The following RASAL2 variants were observed in gnomAD, a reference collection of about 807,000 sequenced individuals.
RASAL2 encodes the protein ras GTPase-activating protein nGAP.
Under a neutral mutation model 128.9 loss-of-function variants are expected in RASAL2, and 58 were observed. That is an observed-to-expected ratio of 0.45 (90% confidence interval 0.36 to 0.56). RASAL2 has a LOEUF of 0.56. RASAL2 is among the 20% of genes least tolerant of loss of function. RASAL2 has a pLI of 0.00. For missense variants in RASAL2, 1,360 were observed against 1,601.6 expected (o/e 0.85, Z 2.57); for synonymous variants, 561 against 580.8 (o/e 0.97, Z 0.49).
At chr1:178,340,670 A>G (rs12239627) in intron 3 of RASAL2, among the ~76,000 whole-genome samples, 5,821 of 152,234 alleles carry the variant, frequency 0.038, 361 homozygotes, top group African/African-American at 0.13. Context: ...GCAGATTTTT[A>G]TCTGTCAATA....
intron 1 of RASAL2, among the ~76,000 whole-genome samples, chr1:178,163,160 G>A (rs1288204976): frequency 6.6e-6 from 1 of 151,450 alleles, no homozygotes; most frequent in Non-Finnish European, 1.5e-5. Context: ...TAGAGATGGG[G>A]TTTCACCATG....
chr1:178,445,771 C>G (rs1676957530), intron 9 of RASAL2, 109 bp downstream of exon 9: 1 of 1,168,784 alleles, frequency 8.6e-7, no homozygotes, highest in African/African-American at 1.6e-5. Context: ...TTAGTTCTAG[C>G]TGACTCAGGT....
intron 2 of RASAL2, among the ~76,000 whole-genome samples, chr1:178,296,596 C>G (rs1279448075): frequency 1.3e-5 from 2 of 151,280 alleles, no homozygotes; most frequent in African/African-American, 4.9e-5. Context: ...CTTTTGGCCT[C>G]AAGAGATTCT....
At chr1:178,349,297 C>A (rs892406078) in intron 3 of RASAL2, among the ~76,000 whole-genome samples, 1 of 149,576 alleles carries the variant, frequency 6.7e-6, no homozygotes, top group East Asian at 2.0e-4. Context: ...TGGTGGCGCG[C>A]GCCTGTAGTC....
intron 1 of RASAL2, among the ~76,000 whole-genome samples, chr1:178,155,185 T>C (rs1303706143): frequency 6.6e-6 from 1 of 152,150 alleles, no homozygotes; most frequent in Non-Finnish European, 1.5e-5. Context: ...TAGCAGGAAA[T>C]AGGATTTTGA....
intron 1 of RASAL2, among the ~76,000 whole-genome samples, chr1:178,272,738 G>A (rs1216974485): frequency 2.6e-5 from 4 of 152,036 alleles, no homozygotes; most frequent in Admixed American, 6.5e-5. Flanking sequence ...GACCAGCCTG[G>A]CCAACATGGT....
intron 1 of RASAL2, among the ~76,000 whole-genome samples, chr1:178,277,160 A>C (rs1666558005): frequency 6.6e-6 from 1 of 151,718 alleles, no homozygotes; most frequent in East Asian, 1.9e-4. Context: ...AAAAAAAAAA[A>C]AAAAAAAAAA....
chr1:178,261,915 A>G (rs1266935654), intron 1 of RASAL2, among the ~76,000 whole-genome samples: 5 of 147,224 alleles, frequency 3.4e-5, no homozygotes, highest in African/African-American at 7.4e-5. Flanking sequence ...GACTGTCTCA[A>G]AAAAAAAAAA....
intron 2 of RASAL2, among the ~76,000 whole-genome samples, chr1:178,296,071 G>A (rs543333003): frequency 6.6e-6 from 1 of 151,594 alleles, no homozygotes; most frequent in African/African-American, 2.4e-5. Flanking sequence ...GTGTGTATAT[G>A]TATGTGTATA....
intron 2 of RASAL2, among the ~76,000 whole-genome samples, chr1:178,297,802 T>G (rs1667584592): frequency 6.6e-6 from 1 of 152,002 alleles, no homozygotes; most frequent in Admixed American, 6.6e-5. Context: ...AATAATTGAG[T>G]GAATTTTAGG....
intron 3 of RASAL2, among the ~76,000 whole-genome samples, chr1:178,382,119 T>C (rs1436324495): frequency 6.6e-6 from 1 of 152,222 alleles, no homozygotes; most frequent in Non-Finnish European, 1.5e-5. Flanking sequence ...TCTCCCCACA[T>C]AGGTATACTG....
At chr1:178,159,686 C>G (rs1206818864) in intron 1 of RASAL2, among the ~76,000 whole-genome samples, 1 of 151,890 alleles carries the variant, frequency 6.6e-6, no homozygotes, top group African/African-American at 2.4e-5. Flanking sequence ...CCCAGCACTT[C>G]GGGAGGCCAA....
intron 1 of RASAL2, among the ~76,000 whole-genome samples, chr1:178,225,623 T>TA (rs1663758724): frequency 6.6e-6 from 1 of 152,122 alleles, no homozygotes; most frequent in South Asian, 2.1e-4. Flanking sequence ...ATCACTGTTA[T>TA]AAAAGCATGT....
rs1314715628 is a variant in RASAL2, at chr1:178,390,089, C to CT, written c.458-5dup. ...TCTTAATGATGTTTCAACTTTCCTC[C>CT]TTTTTTCCAGAGGTACCAGCAGAAA... On this transcript the variant is annotated splice_polypyrimidine_tract_variant and intron_variant, in intron 3 of 17. Coordinates refer to ENST00000367649, the MANE Select transcript of RASAL2 (RefSeq NM_170692.4). The CT allele has an allele frequency of 6.3e-7, 1 of 1,578,346 alleles. No individual in the cohort carries two copies. The highest frequency in any genetic ancestry group is 8.6e-7 in the Non-Finnish European group (1 of 1,162,278).
intron 1 of RASAL2, among the ~76,000 whole-genome samples, chr1:178,274,082 GCT>G (rs891970953): frequency 2.0e-5 from 3 of 152,160 alleles, no homozygotes; most frequent in Admixed American, 6.5e-5. Context: ...TGCACTTGAT[GCT>G]ATAAATAGAG....
At chr1:178,411,911 C>T in intron 4 of RASAL2, 1 of 675,400 alleles carries the variant, frequency 1.5e-6, no homozygotes, top group Non-Finnish European at 2.7e-6. Flanking sequence ...CCTTCAGAGC[C>T]CTTGCCCGCT....
chr1:178,333,642 C>T (rs1669450768), intron 3 of RASAL2, among the ~76,000 whole-genome samples: 1 of 152,098 alleles, frequency 6.6e-6, no homozygotes, highest in South Asian at 2.1e-4. Flanking sequence ...AAAACCCAAG[C>T]CATATGCTGA....
chr1:178,464,847 T>TTTTTTTTTTTTTC (rs1647510592), intron 15 of RASAL2, among the ~76,000 whole-genome samples: 1 of 147,860 alleles, frequency 6.8e-6, no homozygotes, highest in Non-Finnish European at 1.5e-5. Context: ...TTTTTTTTTT[T>TTTTTTTTTTTTTC]TTTTTTTTTG....
chr1:178,370,745 T>G (rs1309385079), intron 3 of RASAL2, among the ~76,000 whole-genome samples: 1 of 152,172 alleles, frequency 6.6e-6, no homozygotes, highest in East Asian at 1.9e-4. Context: ...AGCACTGCTC[T>G]AGCCACTAGG....
Sources: allele counts gnomAD v4.1 joint callset (sites outside exome capture counted in the v4.1 genomes callset), GRCh38; gene constraint gnomAD v4.1.1; transcripts MANE v1.5; gene names NCBI Gene and HGNC (gene_info 2026-07-23, HGNC 2026-07-21).